Variants in RFT1 observed in about 807,000 individuals in gnomAD.
RFT1 encodes man(5)GlcNAc(2)-PP-dolichol translocation protein RFT1.
RFT1 carries 43 observed loss-of-function variants against 62.2 expected under a neutral mutation model. That is an observed-to-expected ratio of 0.69 (90% CI 0.54 to 0.89). The LOEUF (loss-of-function observed/expected upper bound fraction) is 0.89, where lower values mean the gene tolerates loss of function less well. Among genes scored for constraint, RFT1 ranks in the 40% least tolerant of loss-of-function variants. RFT1 has a pLI of 0.00. For synonymous variants in RFT1, 262 were observed against 264.6 expected (o/e 0.99, Z 0.10); for missense variants, 605 against 649.9 (o/e 0.93, Z 0.75).
chr3:53,117,025 G>T (rs760248586), intron 6 of RFT1, among the ~76,000 whole-genome samples: 29 of 152,190 alleles, frequency 1.9e-4, no homozygotes, highest in Non-Finnish European at 2.8e-4. Context: ...ATAACATAGG[G>T]GTAAGCCACA....
rs1212746204 is a variant in RFT1, at chr3:53,104,045, A to T, written c.1010T>A (p.Leu337Gln). 6.2e-7 allele frequency: 1 copy of T among 1,614,228 alleles called. No homozygotes were observed. Among genetic ancestry groups the T allele is most frequent in the East Asian group, 2.2e-5 (1 of 44,886 alleles). The change falls in exon 10 of 13, where the codon CTG (leucine) becomes CAG (glutamine). Residue 337 changes from leucine (L) to glutamine (Q), a missense_variant. Leu to Gln is a moderately radical substitution (Grantham distance 113). Transcript: ENST00000296292. The stretch of plus-strand genomic sequence containing the variant: ...AACAGTGATGGTCAGGCCGGCCAGC[A>T]GGGCCAGCTTGAGCAGGGACTCCAA... ...AVLESLLKLALLAGLTITVFG... is the reference protein window; with the variant it reads ...AVLESLLKLAQLAGLTITVFG...
In RFT1 at chr3:53,130,435, C is replaced by T. The variant is rs1206770141; in HGVS notation, c.-35G>A. On this transcript the variant is annotated 5_prime_UTR_variant, in exon 1 of 13. Transcript: ENST00000296292. ...GCCAGGCTCAGACACCAGGAAATGC[C>T]GCCGCCACTCCGTTTAGTCGCGATA... The T allele has an allele frequency of 6.5e-6, 10 of 1,548,036 alleles. No individual in the cohort carries two copies. Among genetic ancestry groups the T allele is most frequent in the South Asian group, 1.2e-5 (1 of 84,012 alleles).
intron 11 of RFT1, among the ~76,000 whole-genome samples, chr3:53,094,514 A>G (rs1701087717): frequency 6.6e-6 from 1 of 152,070 alleles, no homozygotes; most frequent in African/African-American, 2.4e-5. Flanking sequence ...TGTACCTCAC[A>G]GGGGAAGTTT....
intron 2 of RFT1, among the ~76,000 whole-genome samples, chr3:53,125,180 G>A (rs1702075334): frequency 1.3e-5 from 2 of 152,268 alleles, no homozygotes; most frequent in Non-Finnish European, 2.9e-5. Flanking sequence ...CCAGAGCCAA[G>A]AGTATATGTT....
At chr3:53,115,175 AG>A (rs1316064707) in intron 6 of RFT1, among the ~76,000 whole-genome samples, 4 of 152,128 alleles carry the variant, frequency 2.6e-5, no homozygotes, top group African/African-American at 9.7e-5. Context: ...TTCTCATTGC[AG>A]GTTCAGGCTT....
Position 53,089,510 on chromosome 3 carries a change from C to CA in RFT1, c.*2392dup, listed in dbSNP as rs1700933578. On this transcript the variant is annotated 3_prime_UTR_variant, in exon 13 of 13. Coordinates refer to ENST00000296292, the MANE Select transcript of RFT1 (RefSeq NM_052859.4). Reference sequence around the variant, plus strand: ...TTGGGTAAAGTGAGGCAGGCTGGCCCACATGTATGCAAGCTCCCTGAGGCA... The same window carrying CA: ...TTGGGTAAAGTGAGGCAGGCTGGCCCAACATGTATGCAAGCTCCCTGAGGCA... 6.6e-6 allele frequency: 1 copy of CA among 152,236 alleles called. No individual in the cohort carries two copies. The highest frequency in any genetic ancestry group is 1.5e-5 in the Non-Finnish European group (1 of 68,070). 9.4% of individuals were successfully genotyped at this position (152,236 alleles called of 1,614,324 possible).
At chr3:53,080,441 C>T in the RFT1 span, among the ~76,000 whole-genome samples, 25 of 152,318 alleles carry the variant, frequency 1.6e-4, no homozygotes, top group Admixed American at 8.5e-4. Flanking sequence ...AAGCAGTTTT[C>T]GTTTCTTCTT....
At chr3:53,126,286 A>G (rs1424302715) in intron 1 of RFT1, among the ~76,000 whole-genome samples, 6 of 152,188 alleles carry the variant, frequency 3.9e-5, no homozygotes, top group African/African-American at 1.4e-4. Flanking sequence ...CTGAGTTTCT[A>G]CAAAGTCAAG....
At position 53,124,969 on chromosome 3, in the gene RFT1, C is replaced by T. The variant is rs370110971; in HGVS notation, c.149+940G>A. Among the ~76,000 whole-genome samples, 33 of 151,660 alleles carry T rather than the reference C, an allele frequency of 2.2e-4. No homozygotes were observed. The South Asian group carries it at 5.8e-3, about 27-fold the overall frequency. ...CCTGGGTGATAGGGCAAAAGCCTGT[C>T]GTCTCAAAAAAAGAAAAAGAAGAAG... On this transcript the variant is annotated intron_variant, in intron 2 of 12. Transcript: ENST00000296292.
chr3:53,103,158 G>A (rs1701364645), intron 10 of RFT1: 1 of 985,432 alleles, frequency 1.0e-6, no homozygotes, highest in East Asian at 1.1e-4. Flanking sequence ...GGGCCCCATT[G>A]TAGTGGAGAC....
At chr3:53,120,156 G>A (rs1701929928) in intron 5 of RFT1, 135 bp from the exon 6 acceptor site, 1 of 725,082 alleles carries the variant, frequency 1.4e-6, no homozygotes, top group East Asian at 2.8e-5. Context: ...TACCCTCTGG[G>A]AAATGGCACT....
intron 8 of RFT1, among the ~76,000 whole-genome samples, 194 bp from the exon 9 acceptor site, chr3:53,105,997 C>A (rs540305031): frequency 6.6e-6 from 1 of 152,232 alleles, no homozygotes; most frequent in African/African-American, 2.4e-5. Flanking sequence ...CTTTGGGAGG[C>A]CAGGGTGGGT....
Position 53,105,501 on chromosome 3 carries a change from C to T in RFT1, c.957+172G>A, listed in dbSNP as rs376311563. On this transcript the variant is annotated intron_variant, in intron 9 of 12. Transcript: ENST00000296292. ...AGCCAAGAGCAAAGCAAGAAGGCCACGAAAGAAGAGGTGAGCCCTGGGTCC... is the reference window on the plus strand; with the variant it reads ...AGCCAAGAGCAAAGCAAGAAGGCCATGAAAGAAGAGGTGAGCCCTGGGTCC... Among the ~76,000 whole-genome samples, 9 of 150,262 alleles carry T rather than the reference C, an allele frequency of 6.0e-5. No individual in the cohort carries two copies. In the East Asian group the frequency reaches 1.4e-3, roughly 23 times the overall value.
At chr3:53,099,993 C>A (rs560240269) in intron 10 of RFT1, among the ~76,000 whole-genome samples, 1 of 152,106 alleles carries the variant, frequency 6.6e-6, no homozygotes, top group African/African-American at 2.4e-5. Context: ...ATCACACACA[C>A]AAAAAAGAAC....
chr3:53,078,554 C>T, the RFT1 span, among the ~76,000 whole-genome samples: 2 of 152,074 alleles, frequency 1.3e-5, no homozygotes, highest in African/African-American at 4.8e-5. Flanking sequence ...GCCTGGGCAA[C>T]ATAGTGAGAC....
At chr3:53,116,870 T>C (rs1701823783) in intron 6 of RFT1, among the ~76,000 whole-genome samples, 2 of 152,374 alleles carry the variant, frequency 1.3e-5, no homozygotes, top group Admixed American at 6.5e-5. Context: ...CCCAAAGTGC[T>C]GGGATTACAG....
At chr3:53,071,352 C>T in the RFT1 span, among the ~76,000 whole-genome samples, 2 of 152,184 alleles carry the variant, frequency 1.3e-5, no homozygotes, top group South Asian at 2.1e-4. Flanking sequence ...AGGACCCCTG[C>T]GCTAATGAGA....
In RFT1 at chr3:53,123,677, C is replaced by T. The variant is rs760908421; in HGVS notation, c.266+47G>A. ...GTTACTGTTTCATTTCCAATGCTCA[C>T]TACACCTGCCTTCCTGAAACGTGTC... On this transcript the variant is annotated intron_variant, in intron 3 of 12. Coordinates refer to ENST00000296292, the MANE Select transcript of RFT1 (RefSeq NM_052859.4). The T allele has an allele frequency of 2.8e-6, 4 of 1,440,574 alleles. No homozygotes were observed. The East Asian group carries it at 9.1e-5, about 33-fold the overall frequency. The allele number at this position is 1,440,574 out of a possible 1,614,324, so 89.2% of individuals were successfully genotyped here.
chr3:53,087,383 TC>T (rs1700877422), downstream of RFT1, among the ~76,000 whole-genome samples: 1 of 152,022 alleles, frequency 6.6e-6, no homozygotes, highest in Admixed American at 6.6e-5. Context: ...ACTCCATCCA[TC>T]CCAGAGGCCA....
Sources: gnomAD v4.1 joint callset for allele counts (sites outside exome capture counted in the v4.1 genomes callset) on GRCh38, gnomAD v4.1.1 for gene constraint, MANE v1.5 for transcripts, NCBI Gene and HGNC (gene_info 2026-07-23, HGNC 2026-07-21) for gene names.